The following SPO11 variants were observed in gnomAD, a reference collection of about 807,000 sequenced individuals.
SPO11 encodes SPO11 initiator of meiotic double strand breaks.
Under a neutral mutation model 51.6 loss-of-function variants are expected in SPO11, and 49 were observed. The observed-to-expected ratio is 0.95, with a 90% CI of 0.75 to 1.20. The LOEUF (loss-of-function observed/expected upper bound fraction) is 1.20, where lower values mean the gene tolerates loss of function less well. Ranked by LOEUF, SPO11 falls within the 50% of genes most tolerant of loss-of-function variation. The probability of loss-of-function intolerance (pLI) is 0.00; values close to 1 mark genes in which losing one functional copy is unlikely to be tolerated. For missense variants in SPO11, 431 were observed against 473.4 expected (o/e 0.91, Z 0.83); for synonymous variants, 176 against 158.2 (o/e 1.11, Z -0.84).
At chr20:57,333,297 T>C (rs2066471189) in intron 3 of SPO11, 21 bp downstream of exon 3, 2 of 1,540,730 alleles carry the variant, frequency 1.3e-6, no homozygotes, top group Non-Finnish European at 1.8e-6. Context: ...TGTTCTTAGC[T>C]TTTGGTAATA....
At chr20:57,335,339 TA>T in intron 6 of SPO11, 79 bp from the exon 7 acceptor site, 1 of 1,231,292 alleles carries the variant, frequency 8.1e-7, no homozygotes, top group African/African-American at 1.5e-5. Flanking sequence ...CAAAGAAAAA[TA>T]AAAACAGAGG....
rs777487846 is a variant in SPO11 at position 57,340,083 on chromosome 20, C to T, written c.883-19C>T. ...CTACAATTTAGCCTCACCTAATATA[C>T]TTTTGTTCTTTATTTTAGTCTATGT... On this transcript the variant is annotated intron_variant, in intron 10 of 12. Coordinates refer to ENST00000371263, the MANE Select transcript of SPO11 (RefSeq NM_012444.3). 1 of 1,560,164 alleles carries T rather than the reference C, an allele frequency of 6.4e-7. No individual in the cohort carries two copies. The highest frequency in any genetic ancestry group is 2.2e-5 in the East Asian group (1 of 44,602).
At chr20:57,343,238 C>G in intron 12 of SPO11, 103 bp from the exon 13 acceptor site, 1 of 1,372,932 alleles carries the variant, frequency 7.3e-7, no homozygotes, top group Non-Finnish European at 1.0e-6. Context: ...AGACTATTGT[C>G]CCTGGTTTTG....
chr20:57,333,267 CA>C lies in SPO11; in HGVS notation c.330del (p.Lys110AsnfsTer4). On this transcript the variant is annotated frameshift_variant, in exon 3 of 13. Coordinates refer to ENST00000371263, the MANE Select transcript of SPO11 (RefSeq NM_012444.3). LOFTEE classifies it high-confidence loss of function. ...KIKSDSPKSA[Q>X]KFSLILKILS... is the part of the protein sequence containing the mutation. ...CAAAAGTGATTCACCAAAATCAGCTCAAAAATTTTGTAAGTTAATTGTTCTT... is the reference window on the plus strand; with the variant it reads ...CAAAAGTGATTCACCAAAATCAGCTCAAAATTTTGTAAGTTAATTGTTCTT... 1 of 1,603,536 alleles carries C rather than the reference CA, an allele frequency of 6.2e-7. No individual in the cohort carries two copies. The highest frequency in any genetic ancestry group is 8.5e-7 in the Non-Finnish European group (1 of 1,176,888).
rs751249489 is a variant in SPO11, at chr20:57,329,872, C to A, written c.5C>A (p.Ala2Asp). ...TTCTGGCAGCCGTCTGCCCTCATGG[C>A]CTTTGCACCTATGGGGCCCGAGGCC... M[A>D]FAPMGPEASF... The change falls in exon 1 of 13, where the codon GCC becomes GAC. Residue 2 changes from alanine (A) to aspartate (D), a missense_variant. Ala to Asp is a moderately radical substitution (Grantham distance 126, BLOSUM62 -2). Around this residue, in one of 3 missense-constraint regions of SPO11, gnomAD observed 405 missense variants for 425.9 expected, o/e 0.95. Transcript: ENST00000371263. The A allele has an allele frequency of 6.2e-7, 1 of 1,613,362 alleles. No homozygotes were observed.
intron 12 of SPO11, among the ~76,000 whole-genome samples, chr20:57,343,070 A>G (rs1358858241): frequency 6.6e-6 from 1 of 152,176 alleles, no homozygotes; most frequent in Non-Finnish European, 1.5e-5. Context: ...TTATATACAC[A>G]TTCTTGATGG....
intron 8 of SPO11, among the ~76,000 whole-genome samples, chr20:57,337,556 T>C (rs1466064451): frequency 6.6e-6 from 1 of 152,218 alleles, no homozygotes; most frequent in East Asian, 1.9e-4. Context: ...TGTTGTTAGA[T>C]ATTTTGGCTA....
chr20:57,335,707 C>A, intron 7 of SPO11, 91 bp from the exon 8 acceptor site: 1 of 795,522 alleles, frequency 1.3e-6, no homozygotes, highest in Non-Finnish European at 2.1e-6. Flanking sequence ...GTATCTATAG[C>A]TGCTTTTGAA....
intron 4 of SPO11, 101 bp from the exon 5 acceptor site, chr20:57,333,886 T>C (rs1201557198): frequency 1.1e-6 from 1 of 907,612 alleles, no homozygotes; most frequent in African/African-American, 1.7e-5. Context: ...TTATATGTTG[T>C]GTTTTCATCC....
Position 57,340,097 on chromosome 20 carries a change from T to G in SPO11, c.883-5T>G, listed in dbSNP as rs1356397450. ...CACCTAATATACTTTTGTTCTTTAT[T>G]TTAGTCTATGTCTTTTGAAGCTCAT... On this transcript the variant is annotated splice_region_variant and splice_polypyrimidine_tract_variant and intron_variant, in intron 10 of 12. Coordinates refer to ENST00000371263, the MANE Select transcript of SPO11 (RefSeq NM_012444.3). 7 of 1,600,954 alleles carry G rather than the reference T, an allele frequency of 4.4e-6. No homozygotes were observed. Among genetic ancestry groups the G allele is most frequent in the Non-Finnish European group, 6.0e-6 (7 of 1,168,264 alleles).
chr20:57,330,016 G>T lies in SPO11; in HGVS notation c.131+18G>T. ...GCCTCCAGGTACAGGAGCTGGTGCC[G>T]AGGCGCGACGCAGCCACTCTGTAGA... On this transcript the variant is annotated intron_variant, in intron 1 of 12. Coordinates refer to ENST00000371263, the MANE Select transcript of SPO11 (RefSeq NM_012444.3). The T allele has an allele frequency of 6.4e-7, 1 of 1,565,846 alleles. No individual in the cohort carries two copies. Among genetic ancestry groups the T allele is most frequent in the Non-Finnish European group, 8.6e-7 (1 of 1,158,786 alleles).
intron 8 of SPO11, among the ~76,000 whole-genome samples, chr20:57,336,604 C>T (rs929268626): frequency 1.3e-5 from 2 of 152,150 alleles, no homozygotes; most frequent in African/African-American, 4.8e-5. Context: ...TCCAGGGCAG[C>T]GCTCCTCACT....
intron 9 of SPO11, 104 bp downstream of exon 9, chr20:57,338,479 GCT>G: frequency 1.2e-6 from 1 of 823,384 alleles, no homozygotes; most frequent in Non-Finnish European, 1.9e-6. Context: ...ATTGAGTCCT[GCT>G]CTGTCACCCA....
At chr20:57,338,447 T>A in intron 9 of SPO11, 72 bp downstream of exon 9, 7 of 433,952 alleles carry the variant, frequency 1.6e-5, no homozygotes, top group Non-Finnish European at 2.4e-5. Flanking sequence ...TTTCTTCCTC[T>A]TTTTTTTTTT....
chr20:57,334,009 C>A lies in SPO11; in HGVS notation c.424C>A (p.Gln142Lys). The stretch of plus-strand genomic sequence containing the variant: ...TAGGGACATATATTACACTGACAGT[C>A]AACTCTTTGGTAACCAGACTGTCGT... ...TKRDIYYTDS[Q>K]LFGNQTVVDN... is the part of the protein sequence containing the mutation. Residue 142 changes from glutamine (Q) to lysine (K), a missense_variant, in exon 5 of 13, where the codon CAA (glutamine) becomes AAA (lysine). Gln to Lys is a moderately conservative substitution (Grantham distance 53). Around this residue, in one of 3 missense-constraint regions of SPO11, gnomAD observed 405 missense variants for 425.9 expected, o/e 0.95. Transcript: ENST00000371263. The A allele has an allele frequency of 6.3e-7, 1 of 1,578,864 alleles. No homozygotes were observed. Among genetic ancestry groups the A allele is most frequent in the South Asian group, 1.2e-5 (1 of 84,592 alleles).
chr20:57,343,341 A>G lies in SPO11; in HGVS notation c.1072A>G (p.Met358Val), dbSNP rs1158375383. ...VTCQPFWRKEMEIMADSKMKA... is the reference protein window; with the variant it reads ...VTCQPFWRKEVEIMADSKMKA... ...GAGTACATTTTACTTTTATTGACAGATGGAAATAATGGCAGACTCTAAAAT... is the reference window on the plus strand; with the variant it reads ...GAGTACATTTTACTTTTATTGACAGGTGGAAATAATGGCAGACTCTAAAAT... Residue 358 changes from methionine (M) to valine (V), a missense_variant and splice_region_variant, in exon 13 of 13, where the codon ATG becomes GTG. Transcript: ENST00000371263. 6.2e-7 allele frequency: 1 copy of G among 1,605,922 alleles called. No homozygotes were observed. Among genetic ancestry groups the G allele is most frequent in the East Asian group, 2.2e-5 (1 of 44,564 alleles).
At chr20:57,331,337 T>C (rs1397912711) in intron 1 of SPO11, among the ~76,000 whole-genome samples, 1 of 152,244 alleles carries the variant, frequency 6.6e-6, no homozygotes, top group Non-Finnish European at 1.5e-5. Flanking sequence ...TGAGATCAAC[T>C]AGGGTAATGT....
intron 10 of SPO11, 120 bp downstream of exon 10, chr20:57,339,146 G>A: frequency 1.8e-6 from 1 of 548,324 alleles, no homozygotes; most frequent in South Asian, 2.9e-5. Context: ...TGTACCTGAG[G>A]GCCTAGTATC....
rs775675999 is a variant in SPO11 at position 57,340,183 on chromosome 20, G to A, written c.959+5G>A. ...TCTCCCTTCTGATCTTAAAAGGTTA[G>A]ATAGTATAGCAGAACTAGGATATTT... On this transcript the variant is annotated splice_donor_5th_base_variant and intron_variant, in intron 11 of 12. Transcript: ENST00000371263. 1.9e-6 allele frequency: 3 copies of A among 1,578,566 alleles called. No individual in the cohort carries two copies. The highest frequency in any genetic ancestry group is 2.6e-6 in the Non-Finnish European group (3 of 1,147,678).
Sources: allele counts gnomAD v4.1 joint callset (sites outside exome capture counted in the v4.1 genomes callset), GRCh38; gene constraint gnomAD v4.1.1; regional missense constraint gnomAD v4.1.1; transcripts MANE v1.5; gene names NCBI Gene and HGNC (gene_info 2026-07-23, HGNC 2026-07-21).